The following NCALD variants were observed in gnomAD, a reference collection of about 807,000 sequenced individuals.
NCALD encodes neurocalcin delta, also known as neurocalcin-delta.
Under a neutral mutation model 18.6 loss-of-function variants are expected in NCALD, and 10 were observed. That is an observed-to-expected ratio of 0.54 (90% CI 0.33 to 0.91). NCALD has a LOEUF of 0.91. NCALD is among the 40% of genes least tolerant of loss of function. The pLI is 0.03. For missense variants in NCALD, 184 were observed against 247.6 expected (o/e 0.74, Z 1.72); for synonymous variants, 88 against 87.4 (o/e 1.01, Z -0.04).
At chr8:102,106,227 G>A (rs780800630) in intron 1 of NCALD, among the ~76,000 whole-genome samples, 71 of 151,708 alleles carry the variant, frequency 4.7e-4, no homozygotes, top group Non-Finnish European at 9.9e-4. Flanking sequence ...GCACCAGCAT[G>A]CCTGGCTAAT....
At chr8:101,796,434 T>C (rs1812641482) in intron 4 of NCALD, among the ~76,000 whole-genome samples, 1 of 152,290 alleles carries the variant, frequency 6.6e-6, no homozygotes, top group Non-Finnish European at 1.5e-5. Flanking sequence ...AACTCTAATT[T>C]GTATGTTCAA....
At chr8:101,870,616 C>T (rs564535606) in intron 4 of NCALD, among the ~76,000 whole-genome samples, 13 of 152,218 alleles carry the variant, frequency 8.5e-5, no homozygotes, top group Admixed American at 8.5e-4. Flanking sequence ...TGGAAGAGGC[C>T]AACTCATCAC....
At chr8:101,836,071 T>C (rs1814400332) in intron 4 of NCALD, among the ~76,000 whole-genome samples, 1 of 152,042 alleles carries the variant, frequency 6.6e-6, no homozygotes, top group Non-Finnish European at 1.5e-5. Flanking sequence ...CATTTCCCAC[T>C]GAAGGGACGG....
intron 3 of NCALD, among the ~76,000 whole-genome samples, chr8:101,901,480 A>T (rs1433817394): frequency 6.6e-6 from 1 of 151,814 alleles, no homozygotes; most frequent in East Asian, 1.9e-4. Flanking sequence ...ACTTTTTAAG[A>T]ATTCCATTTT....
At chr8:101,787,654 A>G (rs1019956784) in intron 1 of NCALD, among the ~76,000 whole-genome samples, 4 of 152,192 alleles carry the variant, frequency 2.6e-5, no homozygotes, top group African/African-American at 9.6e-5. Context: ...CAATACTATT[A>G]ATACCCCCTG....
At chr8:101,826,947 C>A (rs1199769702) in intron 4 of NCALD, among the ~76,000 whole-genome samples, 1 of 152,184 alleles carries the variant, frequency 6.6e-6, no homozygotes, top group African/African-American at 2.4e-5. Flanking sequence ...ATTAAAGCTA[C>A]TACCATATTA....
chr8:101,808,113 A>G (rs1813171739), intron 4 of NCALD, among the ~76,000 whole-genome samples: 3 of 152,208 alleles, frequency 2.0e-5, no homozygotes, highest in South Asian at 4.1e-4. Flanking sequence ...TACAGATCTT[A>G]CAGCTGTTAA....
intron 2 of NCALD, among the ~76,000 whole-genome samples, chr8:101,952,103 G>A (rs544296535): frequency 8.5e-5 from 13 of 152,268 alleles, no homozygotes; most frequent in East Asian, 7.7e-4. Flanking sequence ...GGAAGATGCC[G>A]GGCAGGAGGG....
intron 4 of NCALD, among the ~76,000 whole-genome samples, chr8:101,871,221 A>G (rs1187743630): frequency 6.6e-6 from 1 of 152,126 alleles, no homozygotes; most frequent in African/African-American, 2.4e-5. Flanking sequence ...GACCATACCT[A>G]GTTTCCTCAG....
intron 4 of NCALD, among the ~76,000 whole-genome samples, chr8:101,878,507 A>G (rs984293725): frequency 3.9e-5 from 6 of 152,216 alleles, no homozygotes; most frequent in Non-Finnish European, 1.5e-5. Flanking sequence ...TCTCTCATAC[A>G]GTCTTGCTAT....
At chr8:101,917,242 G>T (rs1486263806) in intron 2 of NCALD, among the ~76,000 whole-genome samples, 1 of 152,048 alleles carries the variant, frequency 6.6e-6, no homozygotes, top group Non-Finnish European at 1.5e-5. Flanking sequence ...TTTCTGAGTG[G>T]CTTTCAGTAA....
intron 2 of NCALD, among the ~76,000 whole-genome samples, chr8:101,950,562 CA>C (rs988281363): frequency 1.2e-4 from 19 of 152,314 alleles, no homozygotes; most frequent in South Asian, 1.2e-3. Context: ...CCACTAAAAG[CA>C]GAATGTATAT....
Position 101,689,261 on chromosome 8 carries a change from C to A in NCALD, c.*48G>T. ...AAAAAAAATTGTTAAAAAGAAGAAT[C>A]AAAAGGGAACACAAGCAGCTCTACA... On this transcript the variant is annotated 3_prime_UTR_variant, in exon 4 of 4. Coordinates refer to ENST00000220931, the MANE Select transcript of NCALD (RefSeq NM_032041.3). This position sits in a 1 kb window ranked among gnomAD's most constrained non-coding sequence, Gnocchi z 4.4. The A allele has an allele frequency of 6.5e-7, 1 of 1,542,236 alleles. No homozygotes were observed. Among genetic ancestry groups the A allele is most frequent in the Non-Finnish European group, 8.9e-7 (1 of 1,125,592 alleles).
chr8:101,817,794 T>C (rs951501304), intron 4 of NCALD, among the ~76,000 whole-genome samples: 2 of 152,114 alleles, frequency 1.3e-5, no homozygotes, highest in South Asian at 4.1e-4. Flanking sequence ...TGCTAAGCCA[T>C]CCATTTTTTA....
chr8:101,702,656 G>A (rs908103306), intron 2 of NCALD, among the ~76,000 whole-genome samples: 8 of 152,170 alleles, frequency 5.3e-5, no homozygotes, highest in African/African-American at 1.9e-4. Flanking sequence ...AAGACTTATG[G>A]GAAGTTAGAT....
At chr8:101,978,215 C>A (rs1329972064) in intron 2 of NCALD, among the ~76,000 whole-genome samples, 1 of 151,944 alleles carries the variant, frequency 6.6e-6, no homozygotes, top group Non-Finnish European at 1.5e-5. Flanking sequence ...ACTATGTTTA[C>A]CTCTTTTTTC....
intron 4 of NCALD, among the ~76,000 whole-genome samples, chr8:101,884,185 A>G (rs1010830746): frequency 2.6e-5 from 4 of 152,064 alleles, no homozygotes; most frequent in African/African-American, 9.7e-5. Flanking sequence ...ACACCTTCAG[A>G]TTTCTGCAGG....
In NCALD at chr8:101,777,571, G is replaced by A. The variant is rs116964200; in HGVS notation, c.-20+13291C>T. On this transcript the variant is annotated intron_variant, in intron 1 of 3. Transcript: ENST00000220931. ...ATTGATCATATGGTCAATCAGGGTT[G>A]GGGGTGCTGTCTGGGCCATGAAAGA... Among the ~76,000 whole-genome samples the A allele has an allele frequency of 7.1e-3, 1,075 of 152,244 alleles. 35 individuals are homozygous for A. The highest frequency in any genetic ancestry group is 0.05 in the Admixed American group (762 of 15,278).
rs142513815 is a variant in NCALD at position 101,751,416 on chromosome 8, T to A, written c.-19-31768A>T. Among the ~76,000 whole-genome samples the A allele has an allele frequency of 3.5e-4, 54 of 152,274 alleles. No homozygotes were observed. In the East Asian group the frequency reaches 7.7e-3, roughly 22 times the overall value. On this transcript the variant is annotated intron_variant, in intron 1 of 3. Coordinates refer to ENST00000220931, the MANE Select transcript of NCALD (RefSeq NM_032041.3). Reference sequence around the variant, plus strand: ...TTTCTCTATGGAATGAAAAAAGTTCTGGAAATGGGTAATGGTGACAGTTAT... The same window carrying A: ...TTTCTCTATGGAATGAAAAAAGTTCAGGAAATGGGTAATGGTGACAGTTAT...
Sources: allele counts gnomAD v4.1 joint callset (sites outside exome capture counted in the v4.1 genomes callset), GRCh38; gene constraint gnomAD v4.1.1; non-coding constraint Gnocchi (gnomAD v3.1); transcripts MANE v1.5; gene names NCBI Gene and HGNC (gene_info 2026-07-23, HGNC 2026-07-21).